CABP5: variants seen among roughly 807,000 people sequenced by gnomAD.
CABP5 encodes calcium-binding protein 5.
Under a neutral mutation model 21.9 loss-of-function variants are expected in CABP5, and 17 were observed. The observed-to-expected ratio is 0.78, with a 90% CI of 0.53 to 1.17. The LOEUF (loss-of-function observed/expected upper bound fraction) is 1.17. Among genes scored for constraint, CABP5 ranks in the 50% most tolerant of loss-of-function variants. The pLI is 0.00. For synonymous variants in CABP5, 85 were observed against 79.4 expected (o/e 1.07, Z -0.37); for missense variants, 229 against 228.9 (o/e 1.00, Z 0.00).
At chr19:48,036,145 G>A (rs980362256) in intron 4 of CABP5, among the ~76,000 whole-genome samples, 1 of 151,936 alleles carries the variant, frequency 6.6e-6, no homozygotes, top group Admixed American at 6.6e-5. Flanking sequence ...ACTAGTTAAG[G>A]GTGTGCAGGG....
chr19:48,038,346 C>T (rs979853513), intron 4 of CABP5, among the ~76,000 whole-genome samples: 2 of 152,330 alleles, frequency 1.3e-5, no homozygotes, highest in Admixed American at 6.5e-5. Flanking sequence ...TCTTTATTTT[C>T]ACCTTGTGTT....
At chr19:48,039,374 T>G in intron 3 of CABP5, 57 bp from the exon 4 acceptor site, 4 of 1,352,598 alleles carry the variant, frequency 3.0e-6, no homozygotes, top group Non-Finnish European at 4.2e-6. Flanking sequence ...TTCCATTACC[T>G]CACTTTGTGC....
At chr19:48,037,324 A>T (rs1439948895) in intron 4 of CABP5, among the ~76,000 whole-genome samples, 1 of 118,944 alleles carries the variant, frequency 8.4e-6, no homozygotes, top group Non-Finnish European at 1.6e-5. Flanking sequence ...GCTGGAGTGC[A>T]GTGGTGCGAT....
At position 48,041,340 on chromosome 19, in the gene CABP5, TG is replaced by T. The variant is rs1600128393; in HGVS notation, c.94+232del. ...AAAGTCACCAAGAGAGAAACTCATT[TG>T]TTTTCACTCCTGAGTCTTGGAGATA... On this transcript the variant is annotated intron_variant, in intron 2 of 5. Transcript: ENST00000293255. 54 of 534,400 alleles carry T rather than the reference TG, an allele frequency of 1.0e-4. No homozygotes were observed. The East Asian group carries it at 1.8e-3, about 18-fold the overall frequency. The allele number at this position is 534,400 out of a possible 1,614,324, so 33.1% of individuals were successfully genotyped here.
rs757954169 is a variant in CABP5, at chr19:48,034,228, T to C, written c.483A>G (p.Thr161=). Residue 161 remains threonine (T), a synonymous_variant, in exon 5 of 6, where the codon ACA becomes ACG. Coordinates refer to ENST00000293255, the MANE Select transcript of CABP5 (RefSeq NM_019855.5). ...VREADVNGDG[T]VDFEEFVKMM... is the part of the protein sequence containing the mutation. ...CGTCAATGTCACCTTCAAAGTCAAC[T>C]GTGCCGTCTCCATTAACATCAGCCT... 6.9e-6 allele frequency: 11 copies of C among 1,586,622 alleles called. No individual in the cohort carries two copies. In the Admixed American group the frequency reaches 7.2e-5, roughly 10 times the overall value.
In CABP5 at chr19:48,034,088, C is replaced by T. The variant is rs1861779760; in HGVS notation, c.496+127G>A. ...GAACAAATGCTTCCAAAACCTGCCACCCGCTTCCATTCTCAAACTTGGAGA... is the reference window on the plus strand; with the variant it reads ...GAACAAATGCTTCCAAAACCTGCCATCCGCTTCCATTCTCAAACTTGGAGA... On this transcript the variant is annotated intron_variant, in intron 5 of 5. Transcript: ENST00000293255. 9 of 926,800 alleles carry T rather than the reference C, an allele frequency of 9.7e-6. No homozygotes were observed. The Admixed American group carries it at 2.8e-4, about 29-fold the overall frequency. The allele number at this position is 926,800 out of a possible 1,614,324, so 57.4% of individuals were successfully genotyped here. A position where few individuals can be genotyped will look rare whatever the true frequency, so the allele number is the denominator to read the frequency against.
At position 48,030,371 on chromosome 19, in the gene CABP5, C is replaced by T; in HGVS notation, c.*186G>A. ...CCTTCTTAATCTAGTTCTGCAGACG[C>T]CCCCATCCTGGCAAAGATACCGCTC... is the stretch of plus-strand genomic sequence containing the variant. On this transcript the variant is annotated 3_prime_UTR_variant, in exon 6 of 6. Transcript: ENST00000293255. The T allele has an allele frequency of 1.8e-6, 1 of 557,112 alleles. No homozygotes were observed. Among genetic ancestry groups the T allele is most frequent in the Non-Finnish European group, 3.2e-6 (1 of 313,548 alleles). The allele number at this position is 557,112 out of a possible 1,614,324, so 34.5% of individuals were successfully genotyped here.
At chr19:48,030,926 G>A (rs140970324) in intron 5 of CABP5, among the ~76,000 whole-genome samples, 27 of 151,910 alleles carry the variant, frequency 1.8e-4, no homozygotes, top group African/African-American at 6.3e-4. Context: ...CCAGGAGTTC[G>A]AGACCAGCCT....
intron 1 of CABP5, among the ~76,000 whole-genome samples, chr19:48,043,166 T>G (rs1480878772): frequency 7.7e-6 from 1 of 129,570 alleles, no homozygotes; most frequent in Admixed American, 8.5e-5. Flanking sequence ...CATGCCACCA[T>G]GCTGAGCTAT....
chr19:48,029,831 A>AGAGAGAGAGAGAGAGAGAGAGAGAGG lies in CABP5; in HGVS notation c.*725_*726insCCTCTCTCTCTCTCTCTCTCTCTCTC, dbSNP rs1340907930. 1 of 151,442 alleles carries AGAGAGAGAGAGAGAGAGAGAGAGAGG rather than the reference A, an allele frequency of 6.6e-6. No homozygotes were observed. Among genetic ancestry groups the AGAGAGAGAGAGAGAGAGAGAGAGAGG allele is most frequent in the Non-Finnish European group, 1.5e-5 (1 of 67,840 alleles). The allele number at this position is 151,442 out of a possible 1,614,324, so 9.4% of individuals were successfully genotyped here. A position where few individuals can be genotyped will look rare whatever the true frequency, so the allele number is the denominator to read the frequency against. On this transcript the variant is annotated 3_prime_UTR_variant, in exon 6 of 6. Transcript: ENST00000293255. ...GAGAGAGAGAGAGAGAGAGAGAGAGAGAGAGAAACCAGACAGTGCTTCCAG... is the reference window on the plus strand; with the variant it reads ...GAGAGAGAGAGAGAGAGAGAGAGAGAGAGAGAGAGAGAGAGAGAGAGAGAGGGAGAGAAACCAGACAGTGCTTCCAG...
chr19:48,043,890 G>C lies in CABP5; in HGVS notation c.33C>G (p.Phe11Leu). The change falls in exon 1 of 6, where the codon TTC becomes TTG. Residue 11 changes from phenylalanine to leucine, a missense_variant. Physicochemically the swap from Phe to Leu is conservative, Grantham distance 22. Coordinates refer to ENST00000293255, the MANE Select transcript of CABP5 (RefSeq NM_019855.5). ...GTTTCTCAGCAATGCCTTTCCTCAA[G>C]AAGATGCAGGCGGGGCCCATGGGGA... MQFPMGPACI[F>L]LRKGIAEKQR... The C allele has an allele frequency of 6.7e-7, 1 of 1,497,508 alleles. No individual in the cohort carries two copies. The allele number at this position is 1,497,508 out of a possible 1,614,324, so 92.8% of individuals were successfully genotyped here.
intron 1 of CABP5, among the ~76,000 whole-genome samples, chr19:48,043,456 G>C (rs1304963098): frequency 1.0e-5 from 1 of 97,570 alleles, no homozygotes; most frequent in Non-Finnish European, 2.1e-5. Context: ...AAATCCCTTT[G>C]CACAGGGCTG....
At chr19:48,038,175 A>T (rs1300406073) in intron 4 of CABP5, among the ~76,000 whole-genome samples, 1 of 152,086 alleles carries the variant, frequency 6.6e-6, no homozygotes. Flanking sequence ...TCGGCCTCCC[A>T]AAGTGCTGGG....
At chr19:48,035,977 T>C (rs1175458587) in intron 4 of CABP5, among the ~76,000 whole-genome samples, 3 of 151,992 alleles carry the variant, frequency 2.0e-5, no homozygotes, top group Admixed American at 6.6e-5. Flanking sequence ...CAGACCACAG[T>C]AGGACCACGA....
intron 5 of CABP5, among the ~76,000 whole-genome samples, chr19:48,032,699 C>T (rs1300524477): frequency 1.3e-5 from 2 of 150,398 alleles, no homozygotes; most frequent in South Asian, 2.1e-4. Context: ...GGTGTGACCT[C>T]GGCTCACTGC....
intron 2 of CABP5, 86 bp downstream of exon 2, chr19:48,041,487 A>T (rs1038414155): frequency 7.1e-6 from 9 of 1,274,092 alleles, no homozygotes; most frequent in Admixed American, 3.9e-5. Flanking sequence ...CATGTAATGG[A>T]ATTTATACGG....
Position 48,041,712 on chromosome 19 carries a change from A to G in CABP5, c.64-109T>C, listed in dbSNP as rs1161428278. 5 of 963,542 alleles carry G rather than the reference A, an allele frequency of 5.2e-6. No homozygotes were observed. The East Asian group carries it at 1.4e-4, about 27-fold the overall frequency. The allele number at this position is 963,542 out of a possible 1,614,324, so 59.7% of individuals were successfully genotyped here. A position where few individuals can be genotyped will look rare whatever the true frequency, so the allele number is the denominator to read the frequency against. ...CCCACGCTCTCGTGGTTCTCTTTCC[A>G]TTCTCTCTCTCCTCCTCCATCCCTC... On this transcript the variant is annotated intron_variant, in intron 1 of 5. Coordinates refer to ENST00000293255, the MANE Select transcript of CABP5 (RefSeq NM_019855.5).
intron 2 of CABP5, 25 bp from the exon 3 acceptor site, chr19:48,040,773 G>T: frequency 6.2e-7 from 1 of 1,612,844 alleles, no homozygotes; most frequent in Non-Finnish European, 8.5e-7. Context: ...AGAACTTTGG[G>T]GGAACTTGAA....
In CABP5 at chr19:48,035,734, GT is replaced by G. The variant is rs565265679; in HGVS notation, c.349-1373del. On this transcript the variant is annotated intron_variant, in intron 4 of 5. Transcript: ENST00000293255. ...AGGTGTACTTGAGGAAGAGGCAGAA[GT>G]GGGGAGTGTTTAGGGAGGCGTGAGC... is the stretch of plus-strand genomic sequence containing the variant. Among the ~76,000 whole-genome samples, 248 of 152,400 alleles carry G rather than the reference GT, an allele frequency of 1.6e-3. 1 individual carries two copies. Among genetic ancestry groups the G allele is most frequent in the South Asian group, 8.7e-3 (42 of 4,834 alleles).
Sources: allele counts gnomAD v4.1 joint callset (sites outside exome capture counted in the v4.1 genomes callset), GRCh38; gene constraint gnomAD v4.1.1; transcripts MANE v1.5; gene names NCBI Gene and HGNC (gene_info 2026-07-23, HGNC 2026-07-21).